TSPAN15: variants seen among roughly 807,000 people sequenced by gnomAD.
TSPAN15 encodes the protein tetraspanin 15, also known as tetraspanin-15.
In TSPAN15, 20 loss-of-function variants were observed where a neutral mutation model predicts 34.5. That is an observed-to-expected ratio of 0.58 (90% CI 0.41 to 0.84). TSPAN15 has a LOEUF of 0.84. Ranked by LOEUF, TSPAN15 falls within the 40% of genes least tolerant of loss-of-function variation. The pLI, the probability that TSPAN15 is intolerant of heterozygous loss-of-function variation, is 0.00. For synonymous variants in TSPAN15, 155 were observed against 153.9 expected, an observed-to-expected ratio of 1.01 and a Z score of -0.05; for missense variants, 313 against 386.1, an observed-to-expected ratio of 0.81 and a Z score of 1.59.
At chr10:69,548,742 T>TA in the TSPAN15 span, among the ~76,000 whole-genome samples, 188 of 148,532 alleles carry the variant, frequency 1.3e-3, 2 homozygotes, top group Middle Eastern at 0.014. Flanking sequence ...TGAAGCTAAC[T>TA]AAAAAAAAAA....
At chr10:69,538,198 AC>A in the TSPAN15 span, among the ~76,000 whole-genome samples, 1 of 152,230 alleles carries the variant, frequency 6.6e-6, no homozygotes, top group Non-Finnish European at 1.5e-5. Context: ...GAGGGGGGAA[AC>A]AAACATTCAT....
the TSPAN15 span, among the ~76,000 whole-genome samples, chr10:69,527,777 T>C: frequency 1.4e-5 from 2 of 147,330 alleles, no homozygotes; most frequent in Admixed American, 7.0e-5. Context: ...ATGAAATGTG[T>C]AGCATAAGAG....
At chr10:69,512,188 A>C (rs1465218393), downstream of TSPAN15, among the ~76,000 whole-genome samples, 6 of 152,238 alleles carry the variant, frequency 3.9e-5, no homozygotes, top group South Asian at 6.2e-4. Flanking sequence ...CTTTAAAGCC[A>C]ATGAATGACA....
chr10:69,507,998 T>C (rs376401610), downstream of TSPAN15, among the ~76,000 whole-genome samples: 27 of 152,306 alleles, frequency 1.8e-4, no homozygotes, highest in East Asian at 3.7e-3. Context: ...GTGTGCCTAA[T>C]GGCTGCCGCG....
the TSPAN15 span, among the ~76,000 whole-genome samples, chr10:69,514,484 ATCT>A: frequency 6.6e-6 from 1 of 152,194 alleles, no homozygotes; most frequent in Non-Finnish European, 1.5e-5. Context: ...TACCTGGAAA[ATCT>A]TCTTTGTAGG....
At chr10:69,470,297 G>T (rs965325029) in intron 1 of TSPAN15, among the ~76,000 whole-genome samples, 5 of 152,194 alleles carry the variant, frequency 3.3e-5, no homozygotes, top group Non-Finnish European at 7.3e-5. Context: ...TGGTTGGCCA[G>T]GCTGAACTTG....
chr10:69,525,649 C>T, the TSPAN15 span, among the ~76,000 whole-genome samples: 7,768 of 145,936 alleles, frequency 0.053, 962 homozygotes, highest in South Asian at 0.14. Context: ...GGGGAAACCC[C>T]GTCTCTACTA....
At chr10:69,487,287 G>A (rs1017210164) in intron 3 of TSPAN15, among the ~76,000 whole-genome samples, 1 of 152,126 alleles carries the variant, frequency 6.6e-6, no homozygotes, top group Non-Finnish European at 1.5e-5. Context: ...AGTCATGGAG[G>A]CACACAGGAG....
chr10:69,488,384 C>G (rs1038117688), intron 3 of TSPAN15, among the ~76,000 whole-genome samples: 15 of 152,106 alleles, frequency 9.9e-5, no homozygotes, highest in Non-Finnish European at 2.9e-5. Flanking sequence ...AGGTGATTTC[C>G]CAATTCCATT....
chr10:69,505,041 T>C (rs1842295419), intron 6 of TSPAN15, among the ~76,000 whole-genome samples: 2 of 152,196 alleles, frequency 1.3e-5, no homozygotes, highest in Admixed American at 1.3e-4. Context: ...ATGCACATTC[T>C]TGGTATGGGG....
At chr10:69,495,731 C>A in intron 4 of TSPAN15, 42 bp downstream of exon 4, 1 of 1,388,382 alleles carries the variant, frequency 7.2e-7, no homozygotes, top group Non-Finnish European at 1.0e-6. Context: ...CTCCCGTGCT[C>A]TTAGCCCCCC....
the TSPAN15 span, among the ~76,000 whole-genome samples, chr10:69,543,852 T>A: frequency 1.2e-5 from 1 of 80,494 alleles, no homozygotes; most frequent in Non-Finnish European, 2.5e-5. Context: ...GGAGTGTGTG[T>A]GTGTGTGTGT....
rs373179001 is a variant in TSPAN15 at position 69,498,487 on chromosome 10, G to A, written c.570+91G>A. On this transcript the variant is annotated intron_variant, in intron 5 of 7. Transcript: ENST00000373290. ...TTCTCTCTTCCCAACTTGAAGATGG[G>A]TGGTGTGGGTGGATGGCAGGGAAGT... The A allele has an allele frequency of 7.6e-5, 77 of 1,017,048 alleles. No individual in the cohort carries two copies. In the African/African-American group the frequency reaches 1.1e-3, roughly 14 times the overall value. The allele number at this position is 1,017,048 out of a possible 1,614,324, so 63.0% of individuals were successfully genotyped here. A position where few individuals can be genotyped will look rare whatever the true frequency, so the allele number is the denominator to read the frequency against.
rs369731275 is a variant in TSPAN15, at chr10:69,496,860, C to T, written c.453+1171C>T. Among the ~76,000 whole-genome samples the T allele has an allele frequency of 2.5e-3, 379 of 152,314 alleles. 3 individuals are homozygous for T. Among genetic ancestry groups the T allele is most frequent in the African/African-American group, 8.8e-3 (364 of 41,568 alleles). ...GGGCTGGGAGAGCTGACTTCTGCTC[C>T]GGGTGGAGTGAGATGTTTTTATTGG... On this transcript the variant is annotated intron_variant, in intron 4 of 7. Coordinates refer to ENST00000373290, the MANE Select transcript of TSPAN15 (RefSeq NM_012339.5).
At chr10:69,505,859 C>T in intron 6 of TSPAN15, 1 of 375,246 alleles carries the variant, frequency 2.7e-6, no homozygotes, top group Non-Finnish European at 4.8e-6. Context: ...AGTAGGATTA[C>T]CCTGAGCTCT....
the TSPAN15 span, among the ~76,000 whole-genome samples, chr10:69,535,991 G>A: frequency 6.6e-6 from 1 of 152,220 alleles, no homozygotes; most frequent in Non-Finnish European, 1.5e-5. Context: ...CAGGGATGGA[G>A]CATCTTCGAA....
At position 69,506,801 on chromosome 10, in the gene TSPAN15, C is replaced by T; in HGVS notation, c.736-28C>T. The T allele has an allele frequency of 1.3e-6, 2 of 1,556,210 alleles. No homozygotes were observed. The highest frequency in any genetic ancestry group is 1.2e-5 in the South Asian group (1 of 84,470). ...AGGGCTGCCCTGATTCCCAGCAGGC[C>T]CTCACCAGCCCTGCCCCTTCTTCTC... On this transcript the variant is annotated intron_variant, in intron 7 of 7. Coordinates refer to ENST00000373290, the MANE Select transcript of TSPAN15 (RefSeq NM_012339.5). The surrounding 1 kb of genome is among the most constrained non-coding windows in gnomAD (Gnocchi z 4.7).
chr10:69,532,312 G>T, the TSPAN15 span, among the ~76,000 whole-genome samples: 1 of 152,196 alleles, frequency 6.6e-6, no homozygotes, highest in African/African-American at 2.4e-5. Flanking sequence ...AAACAGCATG[G>T]TGCTGGTATA....
At chr10:69,539,495 A>T in the TSPAN15 span, among the ~76,000 whole-genome samples, 3 of 71,014 alleles carry the variant, frequency 4.2e-5, no homozygotes, top group Non-Finnish European at 8.7e-5. Flanking sequence ...AAGAAGAAGA[A>T]GAAGAAGAAG....
Sources: gnomAD v4.1 joint callset for allele counts (sites outside exome capture counted in the v4.1 genomes callset) on GRCh38, gnomAD v4.1.1 for gene constraint, Gnocchi (gnomAD v3.1) non-coding constraint, MANE v1.5 for transcripts, NCBI Gene and HGNC (gene_info 2026-07-23, HGNC 2026-07-21) for gene names.